PIGG: variants seen among roughly 807,000 people sequenced by gnomAD.
PIGG encodes the protein GPI ethanolamine phosphate transferase 2, catalytic subunit.
Under a neutral mutation model 83.2 loss-of-function variants are expected in PIGG, and 70 were observed. That is an observed-to-expected ratio of 0.84 (90% CI 0.69 to 1.03). The LOEUF is 1.03. Ranked by LOEUF, PIGG falls within the 50% of genes least tolerant of loss-of-function variation. The pLI, the probability that PIGG is intolerant of heterozygous loss-of-function variation, is 0.00. For missense variants in PIGG, 1,257 were observed against 1,233.6 expected (o/e 1.02, Z -0.28); for synonymous variants, 532 against 519.5 (o/e 1.02, Z -0.33).
chr4:507,574 A>G lies in PIGG; in HGVS notation c.740A>G (p.His247Arg). Reference protein sequence around the residue: ...SEMDSVLMKIHTSLQSKERET... With the variant: ...SEMDSVLMKIRTSLQSKERET... ...ATGGACAGCGTGCTGATGAAGATCC[A>G]CACCTCACTGCAGTCGAAGGTGAGG... Residue 247 changes from histidine (H) to arginine (R), a missense_variant, in exon 4 of 13, where the codon CAC becomes CGC. Physicochemically the swap from His to Arg is conservative, Grantham distance 29. Coordinates refer to ENST00000453061, the MANE Select transcript of PIGG (RefSeq NM_001127178.3). The G allele has an allele frequency of 6.2e-7, 1 of 1,613,442 alleles. No individual in the cohort carries two copies. The highest frequency in any genetic ancestry group is 8.5e-7 in the Non-Finnish European group (1 of 1,179,748).
intron 4 of PIGG, among the ~76,000 whole-genome samples, chr4:507,984 TCTCTG>T (rs1720432535): frequency 6.6e-6 from 1 of 152,210 alleles, no homozygotes; most frequent in South Asian, 2.1e-4. Context: ...TGTGTCACTC[TCTCTG>T]CTCTGTGCCA....
Position 539,142 on chromosome 4 carries a change from C to G in PIGG, c.2736-11C>G, listed in dbSNP as rs1560394556. 1.9e-6 allele frequency: 3 copies of G among 1,574,424 alleles called. No homozygotes were observed. The African/African-American group carries it at 4.1e-5, about 21-fold the overall frequency. ...GCATGTGCTAATACACATTTTCTTT[C>G]TTATTAACAGTGGTTCAGCACTGAG... is the stretch of plus-strand genomic sequence containing the variant. On this transcript the variant is annotated splice_polypyrimidine_tract_variant and intron_variant, in intron 12 of 12. Transcript: ENST00000453061.
In PIGG at chr4:523,863, G is replaced by C. The variant is rs1205397074; in HGVS notation, c.2019G>C (p.Gln673His). ...ACCRLLRSLN[Q>H]TGVQWAHRPD... ...GCCGGCTGCTGCGCTCCCTAAACCA[G>C]ACAGGTGTGCAGTGGGCTCACCGGC... The change falls in exon 9 of 13, where the codon CAG (glutamine) becomes CAC (histidine). Residue 673 changes from glutamine to histidine, a missense_variant. Coordinates refer to ENST00000453061, the MANE Select transcript of PIGG (RefSeq NM_001127178.3). 1.9e-6 allele frequency: 3 copies of C among 1,582,368 alleles called. No individual in the cohort carries two copies. Among genetic ancestry groups the C allele is most frequent in the African/African-American group, 1.3e-5 (1 of 74,252 alleles).
At chr4:509,431 C>G (rs1721092795) in intron 5 of PIGG, among the ~76,000 whole-genome samples, 1 of 152,224 alleles carries the variant, frequency 6.6e-6, no homozygotes, top group South Asian at 2.1e-4. Context: ...ACACACACCC[C>G]ACTCTGACCT....
chr4:501,038 A>G (rs1376840638), intron 2 of PIGG: 4 of 437,000 alleles, frequency 9.2e-6, no homozygotes, highest in South Asian at 3.3e-5. Context: ...ACCAGTATAC[A>G]TAATGATCAA....
At position 505,459 on chromosome 4, in the gene PIGG, C is replaced by CAAA. The variant is rs35308755; in HGVS notation, c.361-234_361-232dup. ...CAACATAGCGGGACCCTGTATCTAC[C>CAAA]AAAAAAAAAAAAAAAAAAAAAAAAA... On this transcript the variant is annotated intron_variant, in intron 2 of 12. Transcript: ENST00000453061. 6.0e-4 allele frequency among the ~76,000 whole-genome samples: 27 copies of CAAA among 45,004 alleles called. 2 individuals carry two copies. Among genetic ancestry groups the CAAA allele is most frequent in the African/African-American group, 1.8e-3 (20 of 11,004 alleles). 29.5% of individuals were successfully genotyped at this position (45,004 alleles called of 152,430 possible). A position where few individuals can be genotyped will look rare whatever the true frequency, so the allele number is the denominator to read the frequency against.
intron 6 of PIGG, among the ~76,000 whole-genome samples, chr4:517,269 G>C (rs1577072891): frequency 6.6e-6 from 1 of 152,132 alleles, no homozygotes; most frequent in South Asian, 2.1e-4. Context: ...TTCTGTGAGA[G>C]GTGAGGGTGG....
Position 527,321 on chromosome 4 carries a change from G to A in PIGG, c.2261+91G>A, listed in dbSNP as rs1001511964. On this transcript the variant is annotated intron_variant, in intron 10 of 12. Coordinates refer to ENST00000453061, the MANE Select transcript of PIGG (RefSeq NM_001127178.3). ...GGCGCGTGGAACCACTTCACTGTTT[G>A]ATGAACTGAGAAGACCAAGCCAGTC... 3 of 1,442,896 alleles carry A rather than the reference G, an allele frequency of 2.1e-6. No individual in the cohort carries two copies. The African/African-American group carries it at 4.3e-5, about 21-fold the overall frequency. The allele number at this position is 1,442,896 out of a possible 1,614,324, so 89.4% of individuals were successfully genotyped here. A position where few individuals can be genotyped will look rare whatever the true frequency, so the allele number is the denominator to read the frequency against.
At chr4:526,134 A>G (rs904327626) in intron 9 of PIGG, among the ~76,000 whole-genome samples, 3 of 152,260 alleles carry the variant, frequency 2.0e-5, no homozygotes. Context: ...CCACATTCAT[A>G]TAATTTCTAT....
At chr4:537,091 T>C (rs1411186582) in intron 12 of PIGG, 1 of 152,220 alleles carries the variant, frequency 6.6e-6, no homozygotes, top group Non-Finnish European at 1.5e-5. Flanking sequence ...AAGAAGCATT[T>C]CTCCTTCATT....
In PIGG at chr4:539,556, G is replaced by T; in HGVS notation, c.*187G>T. The T allele has an allele frequency of 1.7e-6, 1 of 582,288 alleles. No homozygotes were observed. The highest frequency in any genetic ancestry group is 3.0e-6 in the Non-Finnish European group (1 of 328,864). 36.1% of individuals were successfully genotyped at this position (582,288 alleles called of 1,614,324 possible). A position where few individuals can be genotyped will look rare whatever the true frequency, so the allele number is the denominator to read the frequency against. On this transcript the variant is annotated 3_prime_UTR_variant, in exon 13 of 13. Coordinates refer to ENST00000453061, the MANE Select transcript of PIGG (RefSeq NM_001127178.3). Reference sequence around the variant, plus strand: ...AGTTTGTATCATATTTTCCCCCATTGACAATCACTCTAGAAGCTTCTGAAC... The same window carrying T: ...AGTTTGTATCATATTTTCCCCCATTTACAATCACTCTAGAAGCTTCTGAAC...
In PIGG at chr4:499,454, A is replaced by C. The variant is rs1716709758; in HGVS notation, c.119A>C (p.His40Pro). Reference sequence around the variant, plus strand: ...GTTCGTTCCTCTGCCAGAGCGGAACACGGAGCGGAGCCCCCAGCGCCCGAA... The same window carrying C: ...GTTCGTTCCTCTGCCAGAGCGGAACCCGGAGCGGAGCCCCCAGCGCCCGAA... ...APVRSSARAE[H>P]GAEPPAPEPS... is the part of the protein sequence containing the mutation. Residue 40 changes from histidine (H) to proline (P), a missense_variant, in exon 1 of 13, where the codon CAC becomes CCC. Physicochemically the swap from His to Pro is moderately conservative, Grantham distance 77. Transcript: ENST00000453061. 2.5e-6 allele frequency: 4 copies of C among 1,603,460 alleles called. No homozygotes were observed. In the South Asian group the frequency reaches 4.4e-5, roughly 18 times the overall value.
intron 12 of PIGG, among the ~76,000 whole-genome samples, chr4:534,396 A>G (rs932522923): frequency 6.6e-6 from 1 of 151,748 alleles, no homozygotes; most frequent in Non-Finnish European, 1.5e-5. Context: ...CGGCCCCCAG[A>G]GACCCTGCTG....
intron 8 of PIGG, among the ~76,000 whole-genome samples, chr4:523,128 C>T (rs1328008293): frequency 2.0e-5 from 3 of 152,160 alleles, no homozygotes; most frequent in Non-Finnish European, 4.4e-5. Flanking sequence ...CTCTGGGCTG[C>T]ACCACTGCCC....
chr4:504,734 A>G (rs1360712321), intron 2 of PIGG, among the ~76,000 whole-genome samples: 3 of 152,298 alleles, frequency 2.0e-5, no homozygotes, highest in East Asian at 1.9e-4. Flanking sequence ...GGGTGGCTGT[A>G]TAACTCTAAA....
chr4:539,236 C>T lies in PIGG; in HGVS notation c.2819C>T (p.Ser940Phe), dbSNP rs1221706687. ...TTCACGTACATCGTTTTGGTGACATCTCTGCGTTATCATTTATTTATATGG... is the reference window on the plus strand; with the variant it reads ...TTCACGTACATCGTTTTGGTGACATTTCTGCGTTATCATTTATTTATATGG... ...PVFTYIVLVTSLRYHLFIWSV... is the reference protein window; with the variant it reads ...PVFTYIVLVTFLRYHLFIWSV... Residue 940 changes from serine (S) to phenylalanine (F), a missense_variant, in exon 13 of 13, where the codon TCT becomes TTT. By Grantham distance (155) the Ser-to-Phe change is radical (BLOSUM62 -2). Coordinates refer to ENST00000453061, the MANE Select transcript of PIGG (RefSeq NM_001127178.3). 5 of 1,612,216 alleles carry T rather than the reference C, an allele frequency of 3.1e-6. No homozygotes were observed. The highest frequency in any genetic ancestry group is 1.7e-5 in the Admixed American group (1 of 60,028).
intron 5 of PIGG, among the ~76,000 whole-genome samples, chr4:513,571 T>G (rs1346118926): frequency 6.6e-6 from 1 of 152,170 alleles, no homozygotes; most frequent in Non-Finnish European, 1.5e-5. Flanking sequence ...TACTAGAATG[T>G]TTGACCCTGT....
intron 3 of PIGG, among the ~76,000 whole-genome samples, chr4:506,312 TGTTG>T (rs1249915037): frequency 1.3e-5 from 2 of 152,220 alleles, no homozygotes; most frequent in Non-Finnish European, 2.9e-5. Context: ...CTCCACAGCC[TGTTG>T]GTTCTGCTGC....
intron 5 of PIGG, among the ~76,000 whole-genome samples, chr4:514,879 T>C (rs1473473963): frequency 6.6e-6 from 1 of 152,218 alleles, no homozygotes; most frequent in African/African-American, 2.4e-5. Context: ...AAAAGCAATT[T>C]AAGGTGGGTT....
Sources: allele counts gnomAD v4.1 joint callset (sites outside exome capture counted in the v4.1 genomes callset), GRCh38; gene constraint gnomAD v4.1.1; transcripts MANE v1.5; gene names NCBI Gene and HGNC (gene_info 2026-07-23, HGNC 2026-07-21).